MBNL1: variants seen among roughly 807,000 people sequenced by gnomAD.
MBNL1 encodes muscleblind like splicing regulator 1, also known as muscleblind-like protein 1.
In MBNL1, 8 loss-of-function variants were observed where a neutral mutation model predicts 42.2. The ratio of observed to expected loss-of-function variants is 0.19; its 90% CI spans 0.11 to 0.34. The LOEUF is 0.34. MBNL1 is among the 10% of genes least tolerant of loss of function. MBNL1 has a pLI of 1.00. For synonymous variants in MBNL1, 169 were observed against 173.9 expected, an observed-to-expected ratio of 0.97 and a Z score of 0.22; for missense variants, 309 against 495.3, an observed-to-expected ratio of 0.62 and a Z score of 3.57.
At chr3:152,364,189 T>C (rs1270370591) in intron 2 of MBNL1, among the ~76,000 whole-genome samples, 1 of 152,080 alleles carries the variant, frequency 6.6e-6, no homozygotes, top group Non-Finnish European at 1.5e-5. Context: ...AGTAATAATC[T>C]CCACCTGTTT....
At position 152,297,986 on chromosome 3, in the gene MBNL1, G is replaced by A. The variant is rs115059137; in HGVS notation, c.-789-1419G>A. Among the ~76,000 whole-genome samples the A allele has an allele frequency of 5.6e-3, 851 of 152,172 alleles. 9 individuals are homozygous for A. Among genetic ancestry groups the A allele is most frequent in the African/African-American group, 0.02 (822 of 41,486 alleles). On this transcript the variant is annotated intron_variant, in intron 1 of 9. Transcript: ENST00000324210. ...TAAATCTCTATCAAAAGTTGTAGTC[G>A]TACTGTAGTATTTTCCAAATAGTTT...
intron 1 of MBNL1, among the ~76,000 whole-genome samples, chr3:152,286,990 C>T (rs980964859): frequency 5.9e-5 from 9 of 152,082 alleles, no homozygotes; most frequent in South Asian, 2.1e-4. Flanking sequence ...GAGGCCGAGG[C>T]GGGTGGCTCA....
intron 2 of MBNL1, among the ~76,000 whole-genome samples, chr3:152,335,489 G>T (rs1023484958): frequency 3.9e-5 from 6 of 152,152 alleles, no homozygotes; most frequent in African/African-American, 1.4e-4. Flanking sequence ...TTCAGTAGAT[G>T]GAGCATAGTT....
At chr3:152,303,580 C>A (rs2061636094) in intron 2 of MBNL1, among the ~76,000 whole-genome samples, 1 of 152,048 alleles carries the variant, frequency 6.6e-6, no homozygotes, top group African/African-American at 2.4e-5. Context: ...CACTGCAAGC[C>A]ACCATTAGAA....
intron 2 of MBNL1, among the ~76,000 whole-genome samples, chr3:152,327,233 C>T (rs958675182): frequency 1.4e-4 from 21 of 152,156 alleles, no homozygotes; most frequent in African/African-American, 5.1e-4. Flanking sequence ...TAATGTGCCT[C>T]TGTATGGTTG....
chr3:152,361,668 G>A (rs886532695), intron 2 of MBNL1, among the ~76,000 whole-genome samples: 2 of 151,986 alleles, frequency 1.3e-5, no homozygotes, highest in Non-Finnish European at 1.5e-5. Context: ...GATTCAGATG[G>A]ATAATGATAG....
chr3:152,281,437 A>G (rs980260712), intron 1 of MBNL1, among the ~76,000 whole-genome samples: 1 of 152,070 alleles, frequency 6.6e-6, no homozygotes, highest in Non-Finnish European at 1.5e-5. Flanking sequence ...TTTTTTAAGC[A>G]TTATGGTCAT....
intron 4 of MBNL1, among the ~76,000 whole-genome samples, chr3:152,438,818 T>C (rs2099111560): frequency 6.6e-6 from 1 of 152,212 alleles, no homozygotes; most frequent in African/African-American, 2.4e-5. Context: ...ATTAAAAATC[T>C]GTCTCCTCAG....
At chr3:152,328,497 T>C (rs1325362980) in intron 2 of MBNL1, among the ~76,000 whole-genome samples, 1 of 152,182 alleles carries the variant, frequency 6.6e-6, no homozygotes, top group East Asian at 1.9e-4. Flanking sequence ...GATAATGTGA[T>C]ATAGCTGTTC....
intron 8 of MBNL1, among the ~76,000 whole-genome samples, chr3:152,457,016 A>AAATTG (rs1344520285): frequency 6.6e-6 from 1 of 152,208 alleles, no homozygotes; most frequent in Non-Finnish European, 1.5e-5. Context: ...TAAGTATGGC[A>AAATTG]AATTGACAGT....
chr3:152,390,715 A>T (rs1244220017), intron 2 of MBNL1, among the ~76,000 whole-genome samples: 1 of 151,978 alleles, frequency 6.6e-6, no homozygotes, highest in East Asian at 1.9e-4. Flanking sequence ...GAAATGCCAT[A>T]CCTTCTTTAT....
intron 5 of MBNL1, 95 bp downstream of exon 5, chr3:152,445,634 T>TA (rs1431459844): frequency 1.5e-6 from 2 of 1,365,156 alleles, no homozygotes; most frequent in Non-Finnish European, 1.0e-6. Context: ...GTAACCTTTT[T>TA]AAAAAAATTG....
intron 2 of MBNL1, among the ~76,000 whole-genome samples, chr3:152,374,136 A>G (rs1186934177): frequency 6.6e-6 from 1 of 152,260 alleles, no homozygotes; most frequent in African/African-American, 2.4e-5. Context: ...TAAAGATAAA[A>G]GAAATAGAAT....
intron 5 of MBNL1, chr3:152,446,797 TA>T: frequency 6.4e-7 from 1 of 1,554,646 alleles, no homozygotes; most frequent in Non-Finnish European, 8.8e-7. Context: ...CATGTAGCTT[TA>T]TTGTAGATAC....
At chr3:152,270,765 T>C (rs2041026443) in intron 1 of MBNL1, among the ~76,000 whole-genome samples, 1 of 152,230 alleles carries the variant, frequency 6.6e-6, no homozygotes, top group East Asian at 1.9e-4. Context: ...TTCTAGTTTT[T>C]ATCTGTTTTG....
intron 2 of MBNL1, among the ~76,000 whole-genome samples, chr3:152,339,353 G>C (rs2092419194): frequency 1.3e-5 from 2 of 152,164 alleles, no homozygotes; most frequent in African/African-American, 2.4e-5. Flanking sequence ...TGGAGAGGTG[G>C]TAAGGGTGTG....
At chr3:152,295,596 G>A (rs2058221095) in intron 1 of MBNL1, among the ~76,000 whole-genome samples, 1 of 152,200 alleles carries the variant, frequency 6.6e-6, no homozygotes, top group Non-Finnish European at 1.5e-5. Flanking sequence ...ACACCCTGTT[G>A]TCAGGGCATA....
intron 2 of MBNL1, among the ~76,000 whole-genome samples, chr3:152,365,680 A>G (rs946626801): frequency 1.3e-5 from 2 of 152,142 alleles, no homozygotes; most frequent in South Asian, 4.1e-4. Context: ...TTTGTGTACA[A>G]CTGATATAAC....
intron 4 of MBNL1, 79 bp downstream of exon 4, chr3:152,432,999 C>T (rs2099026206): frequency 1.5e-6 from 2 of 1,367,064 alleles, no homozygotes; most frequent in African/African-American, 2.9e-5. Flanking sequence ...TGTGTGTTTC[C>T]ATGGCCAAAA....
Sources: gnomAD v4.1 joint callset for allele counts (sites outside exome capture counted in the v4.1 genomes callset) on GRCh38, gnomAD v4.1.1 for gene constraint, MANE v1.5 for transcripts, NCBI Gene and HGNC (gene_info 2026-07-23, HGNC 2026-07-21) for gene names.